TSTD2: variants seen among roughly 807,000 people sequenced by gnomAD.
TSTD2 encodes thiosulfate sulfurtransferase/rhodanese-like domain-containing protein 2.
TSTD2 carries 37 observed loss-of-function variants against 47.9 expected under a neutral mutation model. That is an observed-to-expected ratio of 0.77 (90% confidence interval 0.59 to 1.02). The LOEUF is 1.02. Among genes scored for constraint, TSTD2 ranks in the 50% least tolerant of loss-of-function variants. TSTD2 has a pLI of 0.00. For missense variants in TSTD2, 586 were observed against 616.0 expected, an observed-to-expected ratio of 0.95 and a Z score of 0.52; for synonymous variants, 201 against 215.9, an observed-to-expected ratio of 0.93 and a Z score of 0.61.
intron 3 of TSTD2, among the ~76,000 whole-genome samples, chr9:97,619,222 C>T (rs1351706987): frequency 6.6e-6 from 1 of 152,218 alleles, no homozygotes; most frequent in Non-Finnish European, 1.5e-5. Context: ...ACTTCTACTT[C>T]AACTTGCTTT....
Position 97,600,578 on chromosome 9 carries a change from A to C in TSTD2, c.*1891T>G. 1.0e-6 allele frequency: 1 copy of C among 986,272 alleles called. No homozygotes were observed. 61.1% of individuals were successfully genotyped at this position (986,272 alleles called of 1,614,324 possible). ...TGTGAGGTAAGACACTAGAGGGATA[A>C]ATTTCCAGATCAACATGGCTATGGT... On this transcript the variant is annotated 3_prime_UTR_variant, in exon 10 of 10. Coordinates refer to ENST00000341170, the MANE Select transcript of TSTD2 (RefSeq NM_139246.5).
intron 1 of TSTD2, among the ~76,000 whole-genome samples, chr9:97,632,484 A>C (rs1587987495): frequency 6.6e-6 from 1 of 150,446 alleles, no homozygotes; most frequent in Admixed American, 6.6e-5. Flanking sequence ...GGATCCTCCC[A>C]CCTCGGCCCC....
intron 1 of TSTD2, among the ~76,000 whole-genome samples, chr9:97,629,081 C>T (rs548590413): frequency 1.4e-4 from 22 of 152,322 alleles, no homozygotes; most frequent in African/African-American, 4.6e-4. Context: ...GAGGTGGACA[C>T]TGAAGGTTCT....
chr9:97,610,070 C>T (rs1370760739), intron 6 of TSTD2: 1 of 256,736 alleles, frequency 3.9e-6, no homozygotes, highest in East Asian at 7.9e-5. Flanking sequence ...TAATTACACT[C>T]TTCCCAAACT....
intron 1 of TSTD2, 101 bp from the exon 2 acceptor site, chr9:97,627,713 C>CAAGCT: frequency 1.5e-6 from 1 of 680,358 alleles, no homozygotes; most frequent in Non-Finnish European, 2.4e-6. Context: ...CAAAGTAGCC[C>CAAGCT]AAGCTAACCA....
intron 3 of TSTD2, among the ~76,000 whole-genome samples, chr9:97,625,236 C>T (rs1364299682): frequency 6.6e-6 from 1 of 152,208 alleles, no homozygotes; most frequent in Non-Finnish European, 1.5e-5. Context: ...TTCTCATTCA[C>T]CCATATACGT....
At chr9:97,623,399 T>C (rs908094041) in intron 3 of TSTD2, among the ~76,000 whole-genome samples, 8 of 152,246 alleles carry the variant, frequency 5.3e-5, no homozygotes, top group African/African-American at 1.9e-4. Context: ...GATATGTCTT[T>C]ATCAGCATGA....
intron 2 of TSTD2, among the ~76,000 whole-genome samples, chr9:97,626,871 T>C (rs1032329724): frequency 3.3e-5 from 5 of 152,172 alleles, no homozygotes; most frequent in African/African-American, 9.7e-5. Context: ...GTATTTTTTA[T>C]CATCAATATT....
Position 97,622,576 on chromosome 9 carries a change from G to A in TSTD2, c.482+3105C>T, listed in dbSNP as rs565843794. On this transcript the variant is annotated intron_variant, in intron 3 of 9. Coordinates refer to ENST00000341170, the MANE Select transcript of TSTD2 (RefSeq NM_139246.5). ...GACCCCAGAATGGTAGATCCACTGA[G>A]AGCTTGCACCGTGTGCCGAAAAGAT... Among the ~76,000 whole-genome samples, 141 of 152,354 alleles carry A rather than the reference G, an allele frequency of 9.3e-4. No individual in the cohort carries two copies. The Middle Eastern group carries it at 0.017, about 18-fold the overall frequency.
chr9:97,622,813 G>A (rs772448927), intron 3 of TSTD2, among the ~76,000 whole-genome samples: 2 of 152,216 alleles, frequency 1.3e-5, no homozygotes, highest in Non-Finnish European at 2.9e-5. Context: ...TGGCCCCTTT[G>A]TTTTGGCCAA....
intron 3 of TSTD2, among the ~76,000 whole-genome samples, chr9:97,622,540 A>G (rs566538099): frequency 1.2e-4 from 19 of 152,366 alleles, no homozygotes; most frequent in Non-Finnish European, 2.2e-4. Flanking sequence ...GAAAAGGGCC[A>G]TGGTCCTCCA....
rs1158233445 is a variant in TSTD2 at position 97,617,802 on chromosome 9, A to C, written c.558T>G (p.Cys186Trp). The change falls in exon 4 of 10, where the codon TGT (cysteine) becomes TGG (tryptophan). Residue 186 changes from cysteine to tryptophan, a missense_variant. Physicochemically the swap from Cys to Trp is radical, Grantham distance 215 (BLOSUM62 -2). Coordinates refer to ENST00000341170, the MANE Select transcript of TSTD2 (RefSeq NM_139246.5). ...GCTGACACAGAGCTGTCTGCCAGGC[A>C]CAGATCCATTGGGGATCCTCCAGGT... ...YHDLEDPQWI[C>W]AWQTALCQHL... 6.2e-7 allele frequency: 1 copy of C among 1,614,222 alleles called. No homozygotes were observed. The highest frequency in any genetic ancestry group is 8.5e-7 in the Non-Finnish European group (1 of 1,180,024).
At chr9:97,617,615 T>G (rs1826567618) in intron 4 of TSTD2, 142 bp downstream of exon 4, 1 of 1,094,564 alleles carries the variant, frequency 9.1e-7, no homozygotes, top group Non-Finnish European at 1.2e-6. Context: ...TGCCTAATAT[T>G]CTACTTAAAT....
In TSTD2 at chr9:97,625,845, G is replaced by A. The variant is rs773863619; in HGVS notation, c.318C>T (p.His106=). 3.3e-5 allele frequency: 53 copies of A among 1,614,040 alleles called. No homozygotes were observed. The highest frequency in any genetic ancestry group is 4.5e-5 in the Non-Finnish European group (53 of 1,179,998). The change falls in exon 3 of 10, where the codon CAC becomes CAT. Residue 106 remains histidine, a synonymous_variant. Coordinates refer to ENST00000341170, the MANE Select transcript of TSTD2 (RefSeq NM_139246.5). ...VATQHADEIY[H]QTASILKQLA... is the part of the protein sequence containing the mutation. ...GTTGCTTTAAAATAGAAGCTGTCTG[G>A]TGATAAATTTCATCAGCATGTTGTG...
At chr9:97,604,595 T>C (rs1220921710) in intron 9 of TSTD2, 132 bp downstream of exon 9, 27 of 1,328,438 alleles carry the variant, frequency 2.0e-5, no homozygotes, top group Non-Finnish European at 2.6e-5. Flanking sequence ...GGTGGCACAA[T>C]GTACTTATTT....
Position 97,602,736 on chromosome 9 carries a change from C to G in TSTD2, c.1284G>C (p.Gln428His), listed in dbSNP as rs749579455. The G allele has an allele frequency of 9.3e-6, 15 of 1,613,702 alleles. No individual in the cohort carries two copies. In the South Asian group the frequency reaches 1.6e-4, roughly 18 times the overall value. ...ACTGGGGAGTAGAGCAGAGTTTATA[C>G]TGGTCCCAGCGGGCTCCACAGTATG... ...ECSYCGARWDQYKLCSTPQCR... is the reference protein window; with the variant it reads ...ECSYCGARWDHYKLCSTPQCR... The change falls in exon 10 of 10, where the codon CAG becomes CAC. Residue 428 changes from glutamine (Q) to histidine (H), a missense_variant. Physicochemically the swap from Gln to His is conservative, Grantham distance 24. Coordinates refer to ENST00000341170, the MANE Select transcript of TSTD2 (RefSeq NM_139246.5).
chr9:97,622,545 C>A lies in TSTD2; in HGVS notation c.482+3136G>T, dbSNP rs557147926. Reference sequence around the variant, plus strand: ...GGAGCTATGAGAAAAGGGCCATGGTCCTCCAGACCCCAGAATGGTAGATCC... The same window carrying A: ...GGAGCTATGAGAAAAGGGCCATGGTACTCCAGACCCCAGAATGGTAGATCC... On this transcript the variant is annotated intron_variant, in intron 3 of 9. Transcript: ENST00000341170. Among the ~76,000 whole-genome samples, 22 of 152,350 alleles carry A rather than the reference C, an allele frequency of 1.4e-4. No homozygotes were observed. In the South Asian group the frequency reaches 4.6e-3, roughly 32 times the overall value.
intron 1 of TSTD2, among the ~76,000 whole-genome samples, chr9:97,630,435 C>T (rs1255042099): frequency 1.3e-5 from 2 of 152,192 alleles, no homozygotes. Flanking sequence ...GAAGTACCTG[C>T]TCTCTTGGAG....
In TSTD2 at chr9:97,602,340, TGC is replaced by T; in HGVS notation, c.*127_*128del. The T allele has an allele frequency of 1.8e-6, 2 of 1,138,032 alleles. No individual in the cohort carries two copies. The highest frequency in any genetic ancestry group is 2.4e-6 in the Non-Finnish European group (2 of 825,370). 70.5% of individuals were successfully genotyped at this position (1,138,032 alleles called of 1,614,324 possible). ...CCTCCCGCTGTGAAGTGTAGACGGC[TGC>T]CACGGTGGCAGCGGCCAGAACTGAA... On this transcript the variant is annotated 3_prime_UTR_variant, in exon 10 of 10. Coordinates refer to ENST00000341170, the MANE Select transcript of TSTD2 (RefSeq NM_139246.5).
Sources: allele counts gnomAD v4.1 joint callset (sites outside exome capture counted in the v4.1 genomes callset), GRCh38; gene constraint gnomAD v4.1.1; transcripts MANE v1.5; gene names NCBI Gene and HGNC (gene_info 2026-07-23, HGNC 2026-07-21).